The following SNPH variants were observed in gnomAD, a reference collection of about 807,000 sequenced individuals.
SNPH encodes the protein syntaphilin.
In SNPH, 10 loss-of-function variants were observed where a neutral mutation model predicts 36.8. The ratio of observed to expected loss-of-function variants is 0.27; its 90% CI spans 0.17 to 0.46. The LOEUF is 0.46. Among genes scored for constraint, SNPH ranks in the 20% least tolerant of loss-of-function variants. SNPH has a pLI of 1.00. For missense variants in SNPH, 622 were observed against 744.0 expected, an observed-to-expected ratio of 0.84 and a Z score of 1.91; for synonymous variants, 281 against 312.2, an observed-to-expected ratio of 0.90 and a Z score of 1.05.
intron 2 of SNPH, among the ~76,000 whole-genome samples, chr20:1,268,454 T>G (rs1386388030): frequency 6.6e-6 from 1 of 152,192 alleles, no homozygotes; most frequent in African/African-American, 2.4e-5. Context: ...TTATCTTCCT[T>G]CCTGCTGTCA....
intron 2 of SNPH, among the ~76,000 whole-genome samples, chr20:1,292,171 C>CATAG (rs3038996): frequency 0.71 from 108,320 of 151,556 alleles, 39,257 homozygotes; most frequent in Non-Finnish European, 0.79. Flanking sequence ...TAGTCTAAGG[C>CATAG]ATAGCATCCT....
rs181503657 is a variant in SNPH at position 1,281,871 on chromosome 20, G to T, written c.-492-13080G>T. The stretch of plus-strand genomic sequence containing the variant: ...TAGGAAATGCTGTAATTAGAAGGGG[G>T]AGTAGCTTTGGGAGGCTTGCTTTCA... On this transcript the variant is annotated intron_variant, in intron 2 of 6. Transcript: ENST00000381867. Among the ~76,000 whole-genome samples, 18 of 152,378 alleles carry T rather than the reference G, an allele frequency of 1.2e-4. No homozygotes were observed. The East Asian group carries it at 2.1e-3, about 18-fold the overall frequency.
At chr20:1,295,079 T>A (rs2088412377) in intron 3 of SNPH, 101 bp downstream of exon 3, 1 of 152,430 alleles carries the variant, frequency 6.6e-6, no homozygotes, top group Non-Finnish European at 1.5e-5. Context: ...CTCAGCCAAG[T>A]CTCCTGTAAC....
chr20:1,276,343 C>T lies in SNPH; in HGVS notation c.-493+9583C>T, dbSNP rs1192466618. Among the ~76,000 whole-genome samples, 2 of 152,154 alleles carry T rather than the reference C, an allele frequency of 1.3e-5. No homozygotes were observed. Among genetic ancestry groups the T allele is most frequent in the East Asian group, 3.9e-4 (2 of 5,178 alleles). ...GGCCAGCCATCCAGATGAAAAAGCC[C>T]AGGATCCAAGCCTAGGCAGCACTGG... On this transcript the variant is annotated intron_variant, in intron 2 of 6. Transcript: ENST00000381867. The surrounding 1 kb of genome is among the most constrained non-coding windows in gnomAD (Gnocchi z 4.6).
chr20:1,280,710 A>G (rs532662008), intron 2 of SNPH, among the ~76,000 whole-genome samples: 1 of 152,142 alleles, frequency 6.6e-6, no homozygotes, highest in Non-Finnish European at 1.5e-5. Flanking sequence ...GAGTGAGAGG[A>G]TGGAGCTCCC....
At chr20:1,286,089 T>TAAAAAA (rs11475556) in intron 2 of SNPH, among the ~76,000 whole-genome samples, 13 of 100,474 alleles carry the variant, frequency 1.3e-4, no homozygotes, top group Non-Finnish European at 1.6e-4. Context: ...GACTCCATCT[T>TAAAAAA]AAAAAAAAAA....
Position 1,276,004 on chromosome 20 carries a change from A to G in SNPH, c.-493+9244A>G, listed in dbSNP as rs1349451666. On this transcript the variant is annotated intron_variant, in intron 2 of 6. Coordinates refer to ENST00000381867, the MANE Select transcript of SNPH (RefSeq NM_001318234.2). The surrounding 1 kb of genome is among the most constrained non-coding windows in gnomAD (Gnocchi z 4.6). ...ACTGTCTTTCAGGGGACCCACTTCC[A>G]ACTCCCACAGCTCCTTCACAGAGCC... 6.6e-6 allele frequency among the ~76,000 whole-genome samples: 1 copy of G among 152,106 alleles called. No individual in the cohort carries two copies.
chr20:1,282,166 G>A (rs781744668), intron 2 of SNPH, among the ~76,000 whole-genome samples: 25 of 152,332 alleles, frequency 1.6e-4, no homozygotes, highest in South Asian at 4.1e-4. Context: ...CTAGCCCTTC[G>A]GGAAAGCAGT....
intron 2 of SNPH, among the ~76,000 whole-genome samples, chr20:1,287,927 C>T (rs984786285): frequency 2.0e-5 from 3 of 152,212 alleles, no homozygotes; most frequent in African/African-American, 4.8e-5. Context: ...CAGGCAGCCA[C>T]CAAGCTGGGG....
At chr20:1,299,813 A>C (rs1453432895) in intron 5 of SNPH, among the ~76,000 whole-genome samples, 2 of 152,200 alleles carry the variant, frequency 1.3e-5, no homozygotes, top group Non-Finnish European at 2.9e-5. Context: ...GTGGGCATGC[A>C]GGTGTGAATG....
At position 1,305,230 on chromosome 20, in the gene SNPH, C is replaced by G; in HGVS notation, c.793C>G (p.Pro265Ala). ...CTCCACCTACACCAAGCTGAGTGAC[C>G]CGGCTGTCTGTGGTGACCGCCAGCC... is the stretch of plus-strand genomic sequence containing the variant. ...RSSTYTKLSDPAVCGDRQPGD... is the reference protein window; with the variant it reads ...RSSTYTKLSDAAVCGDRQPGD... The change falls in exon 7 of 7, where the codon CCG becomes GCG. Residue 265 changes from proline to alanine, a missense_variant. This residue lies in a region of SNPH where 379 missense variants were observed against 427.9 expected (regional missense o/e 0.89). Coordinates refer to ENST00000381867, the MANE Select transcript of SNPH (RefSeq NM_001318234.2). The G allele has an allele frequency of 1.2e-6, 2 of 1,611,400 alleles. No individual in the cohort carries two copies. The highest frequency in any genetic ancestry group is 1.7e-5 in the Admixed American group (1 of 59,996).
chr20:1,303,838 T>C (rs2088533756), intron 6 of SNPH, among the ~76,000 whole-genome samples: 1 of 152,088 alleles, frequency 6.6e-6, no homozygotes, highest in African/African-American at 2.4e-5. Context: ...CGGATGGGAA[T>C]GTAGGGTTTA....
At chr20:1,280,634 G>C (rs1400851470) in intron 2 of SNPH, among the ~76,000 whole-genome samples, 1 of 152,148 alleles carries the variant, frequency 6.6e-6, no homozygotes, top group Non-Finnish European at 1.5e-5. Context: ...CATACTGAGT[G>C]GCAGAGCTGA....
At chr20:1,289,489 A>G (rs1333134254) in intron 2 of SNPH, among the ~76,000 whole-genome samples, 2 of 149,380 alleles carry the variant, frequency 1.3e-5, no homozygotes, top group South Asian at 2.2e-4. Context: ...CTGTCTTTTT[A>G]TTAATGCAAC....
At chr20:1,298,211 C>G (rs982168744) in intron 5 of SNPH, among the ~76,000 whole-genome samples, 1 of 151,076 alleles carries the variant, frequency 6.6e-6, no homozygotes, top group Non-Finnish European at 1.5e-5. Flanking sequence ...GCTAATAACT[C>G]GGAAGCTTCG....
Position 1,306,496 on chromosome 20 carries a change from G to A in SNPH, c.*442G>A, listed in dbSNP as rs1344181019. Reference sequence around the variant, plus strand: ...CCGTCTCTTCCAAGCCACCTTGCCCGCAGCCCAGGCTCCTGGGCCAGTGCT... The same window carrying A: ...CCGTCTCTTCCAAGCCACCTTGCCCACAGCCCAGGCTCCTGGGCCAGTGCT... On this transcript the variant is annotated 3_prime_UTR_variant, in exon 7 of 7. Coordinates refer to ENST00000381867, the MANE Select transcript of SNPH (RefSeq NM_001318234.2). The A allele has an allele frequency of 3.8e-5, 6 of 156,446 alleles. No homozygotes were observed. The highest frequency in any genetic ancestry group is 9.6e-5 in the African/African-American group (4 of 41,646). 9.7% of individuals were successfully genotyped at this position (156,446 alleles called of 1,614,324 possible). A position where few individuals can be genotyped will look rare whatever the true frequency, so the allele number is the denominator to read the frequency against.
intron 4 of SNPH, 108 bp downstream of exon 4, chr20:1,296,529 TC>T: frequency 1.1e-6 from 1 of 921,532 alleles, no homozygotes; most frequent in Non-Finnish European, 1.6e-6. Context: ...GCAAATCATT[TC>T]CCATTCCCAT....
At chr20:1,275,118 T>G (rs1235293816) in intron 2 of SNPH, among the ~76,000 whole-genome samples, 1 of 152,218 alleles carries the variant, frequency 6.6e-6, no homozygotes, top group Non-Finnish European at 1.5e-5. Context: ...TCCATCCATT[T>G]AAGCCACCCT....
chr20:1,285,756 G>A lies in SNPH; in HGVS notation c.-492-9195G>A, dbSNP rs559674925. On this transcript the variant is annotated intron_variant, in intron 2 of 6. Transcript: ENST00000381867. This position sits in a 1 kb window ranked among gnomAD's most constrained non-coding sequence, Gnocchi z 4.9. Reference sequence around the variant, plus strand: ...GATGTTCAAGCCGTGGTTTCTTTCTGTCGGGTTAGTCTGCCTGTCAGCAAA... The same window carrying A: ...GATGTTCAAGCCGTGGTTTCTTTCTATCGGGTTAGTCTGCCTGTCAGCAAA... 5.1e-4 allele frequency among the ~76,000 whole-genome samples: 78 copies of A among 152,278 alleles called. No homozygotes were observed. Among genetic ancestry groups the A allele is most frequent in the African/African-American group, 1.9e-3 (77 of 41,542 alleles).
Sources: gnomAD v4.1 joint callset for allele counts (sites outside exome capture counted in the v4.1 genomes callset) on GRCh38, gnomAD v4.1.1 for gene constraint, gnomAD v4.1.1 regional missense constraint, Gnocchi (gnomAD v3.1) non-coding constraint, MANE v1.5 for transcripts, NCBI Gene and HGNC (gene_info 2026-07-23, HGNC 2026-07-21) for gene names.